Variants in OSBPL10 observed in about 807,000 individuals in gnomAD.
OSBPL10 encodes oxysterol-binding protein-related protein 10.
A neutral mutation model predicts 81.7 loss-of-function variants in OSBPL10; 49 were observed. The ratio of observed to expected loss-of-function variants is 0.60; its 90% CI spans 0.48 to 0.76. The LOEUF is 0.76. OSBPL10 is among the 30% of genes least tolerant of loss of function. OSBPL10 has a pLI of 0.00. For synonymous variants in OSBPL10, 419 were observed against 383.6 expected, an observed-to-expected ratio of 1.09 and a Z score of -1.08; for missense variants, 923 against 987.8, an observed-to-expected ratio of 0.93 and a Z score of 0.88.
At chr3:31,826,584 T>C (rs1361266830) in intron 4 of OSBPL10, among the ~76,000 whole-genome samples, 1 of 152,236 alleles carries the variant, frequency 6.6e-6, no homozygotes, top group African/African-American at 2.4e-5. Context: ...CACATCTGTC[T>C]TGTGTATGAT....
intron 9 of OSBPL10, among the ~76,000 whole-genome samples, chr3:31,670,250 C>T (rs1285749797): frequency 6.6e-6 from 1 of 152,208 alleles, no homozygotes; most frequent in African/African-American, 2.4e-5. Context: ...ATCTTGCTTA[C>T]ACAGTAGAGC....
intron 1 of OSBPL10, among the ~76,000 whole-genome samples, chr3:31,920,640 T>A: frequency 6.6e-6 from 1 of 152,290 alleles, no homozygotes; most frequent in Non-Finnish European, 1.5e-5. Context: ...TATCAGTCCC[T>A]TCCAAATCTC....
At chr3:31,799,999 C>T (rs1355703806) in intron 4 of OSBPL10, among the ~76,000 whole-genome samples, 2 of 152,196 alleles carry the variant, frequency 1.3e-5, no homozygotes, top group African/African-American at 2.4e-5. Context: ...TGAGCCACCA[C>T]GCCCGGCCCC....
chr3:32,033,289 A>T (rs1699488957), intron 2 of OSBPL10, among the ~76,000 whole-genome samples: 1 of 152,144 alleles, frequency 6.6e-6, no homozygotes, highest in Non-Finnish European at 1.5e-5. Flanking sequence ...AGGAAGTCTT[A>T]TTTTTTAGTA....
chr3:31,722,406 T>G (rs896030335), intron 6 of OSBPL10, among the ~76,000 whole-genome samples: 1 of 152,098 alleles, frequency 6.6e-6, no homozygotes, highest in Non-Finnish European at 1.5e-5. Flanking sequence ...TGAGAACCAC[T>G]GATCTAGCAC....
intron 4 of OSBPL10, among the ~76,000 whole-genome samples, chr3:31,825,715 G>C (rs780907255): frequency 5.3e-5 from 8 of 152,158 alleles, no homozygotes; most frequent in Non-Finnish European, 1.0e-4. Context: ...GTGGAAACCA[G>C]AGATTATGAC....
At chr3:31,674,583 T>TTAGAGAGATAGA (rs1700408589) in intron 8 of OSBPL10, among the ~76,000 whole-genome samples, 1 of 147,838 alleles carries the variant, frequency 6.8e-6, no homozygotes, top group Non-Finnish European at 1.5e-5. Flanking sequence ...GATAGATAGA[T>TTAGAGAGATAGA]TAGATAGATA....
At chr3:31,815,869 C>A (rs184834991) in intron 4 of OSBPL10, among the ~76,000 whole-genome samples, 1 of 152,248 alleles carries the variant, frequency 6.6e-6, no homozygotes, top group Non-Finnish European at 1.5e-5. Flanking sequence ...TTGTCTCGAG[C>A]CTTAGGGCAC....
At chr3:31,787,340 T>C (rs1365868736) in intron 4 of OSBPL10, among the ~76,000 whole-genome samples, 1 of 152,162 alleles carries the variant, frequency 6.6e-6, no homozygotes, top group African/African-American at 2.4e-5. Context: ...GGCTCATGCC[T>C]GTAATCGCAG....
intron 1 of OSBPL10, among the ~76,000 whole-genome samples, chr3:32,054,082 C>A (rs1699689013): frequency 6.6e-6 from 1 of 152,108 alleles, no homozygotes; most frequent in South Asian, 2.1e-4. Context: ...CTAAATCTTC[C>A]CTCTATCAAT....
intron 3 of OSBPL10, among the ~76,000 whole-genome samples, chr3:31,841,524 C>T (rs1700498340): frequency 6.6e-6 from 1 of 152,186 alleles, no homozygotes; most frequent in African/African-American, 2.4e-5. Flanking sequence ...CCAGGCGAGG[C>T]TTAGGCTATT....
intron 10 of OSBPL10, among the ~76,000 whole-genome samples, chr3:31,667,776 T>G (rs1053603236): frequency 6.6e-6 from 1 of 152,254 alleles, no homozygotes; most frequent in Non-Finnish European, 1.5e-5. Flanking sequence ...TGATCATGGC[T>G]GTGTTCCAAT....
At position 31,809,556 on chromosome 3, in the gene OSBPL10, G is replaced by A. The variant is rs111348967; in HGVS notation, c.729+20484C>T. Among the ~76,000 whole-genome samples, 758 of 152,322 alleles carry A rather than the reference G, an allele frequency of 5.0e-3. 9 individuals are homozygous for A. The highest frequency in any genetic ancestry group is 0.016 in the African/African-American group (682 of 41,570). Reference sequence around the variant, plus strand: ...TGCCAGTAGGGTGGTGGTGGACACGGAGGTTTTAAAAGCTAGACATGCTGA... The same window carrying A: ...TGCCAGTAGGGTGGTGGTGGACACGAAGGTTTTAAAAGCTAGACATGCTGA... On this transcript the variant is annotated intron_variant, in intron 4 of 11. Coordinates refer to ENST00000396556, the MANE Select transcript of OSBPL10 (RefSeq NM_017784.5).
chr3:31,694,006 G>C lies in OSBPL10; in HGVS notation c.1245+8353C>G, dbSNP rs1695635923. On this transcript the variant is annotated intron_variant, in intron 7 of 11. Transcript: ENST00000396556. Reference sequence around the variant, plus strand: ...GCTGGTCTCAAACTCCTGGACTGAAGTGATTCTCCCACTTCAGCCTCCAAA... The same window carrying C: ...GCTGGTCTCAAACTCCTGGACTGAACTGATTCTCCCACTTCAGCCTCCAAA... Among the ~76,000 whole-genome samples the C allele has an allele frequency of 2.0e-5, 3 of 152,296 alleles. No individual in the cohort carries two copies. In the South Asian group the frequency reaches 6.2e-4, roughly 32 times the overall value.
intron 4 of OSBPL10, among the ~76,000 whole-genome samples, chr3:31,812,800 AAGAAAGAAAGAAAGAAAG>A (rs1559476467): frequency 4.1e-3 from 229 of 55,552 alleles, no homozygotes; most frequent in Non-Finnish European, 5.0e-3. Flanking sequence ...GAAAGAAAGA[AAGAAAGAAAGAAAGAAAG>A]AGAAAGAAAG....
At chr3:31,932,691 C>T (rs554710459) in intron 1 of OSBPL10, among the ~76,000 whole-genome samples, 4 of 152,058 alleles carry the variant, frequency 2.6e-5, no homozygotes, top group African/African-American at 7.2e-5. Context: ...ATGATGTCTG[C>T]TCCTTCTCCT....
intron 6 of OSBPL10, among the ~76,000 whole-genome samples, chr3:31,713,229 T>A (rs1696323067): frequency 6.6e-6 from 1 of 152,148 alleles, no homozygotes; most frequent in Admixed American, 6.5e-5. Context: ...ACTCTTCTCT[T>A]GATCACGCTC....
intron 1 of OSBPL10, among the ~76,000 whole-genome samples, chr3:31,951,966 G>A (rs1029470999): frequency 1.3e-5 from 2 of 152,152 alleles, no homozygotes; most frequent in African/African-American, 4.8e-5. Context: ...AACTCCATTA[G>A]TGTGCAACTC....
intron 2 of OSBPL10, among the ~76,000 whole-genome samples, chr3:32,022,851 G>A (rs1699372586): frequency 2.0e-5 from 3 of 152,132 alleles, no homozygotes; most frequent in South Asian, 4.1e-4. Context: ...AGAAAAGAAC[G>A]TTAATTCTGG....
Sources: gnomAD v4.1 joint callset for allele counts (sites outside exome capture counted in the v4.1 genomes callset) on GRCh38, gnomAD v4.1.1 for gene constraint, MANE v1.5 for transcripts, NCBI Gene and HGNC (gene_info 2026-07-23, HGNC 2026-07-21) for gene names.